The following PCSK9 variants were observed in gnomAD, a reference collection of about 807,000 sequenced individuals.
The protein encoded by PCSK9 is proprotein convertase subtilisin/kexin type 9.
PCSK9 carries 57 observed loss-of-function variants against 62.1 expected under a neutral mutation model. That is an observed-to-expected ratio of 0.92 (90% CI 0.74 to 1.14). The LOEUF (loss-of-function observed/expected upper bound fraction) is 1.14, where lower values mean the gene tolerates loss of function less well. Among genes scored for constraint, PCSK9 ranks in the 50% most tolerant of loss-of-function variants. The probability of loss-of-function intolerance (pLI) is 0.00; values close to 1 mark genes in which losing one functional copy is unlikely to be tolerated. For missense variants in PCSK9, 870 were observed against 959.8 expected (o/e 0.91, Z 1.24); for synonymous variants, 387 against 409.4 (o/e 0.95, Z 0.66).
At chr1:55,052,145 G>T in intron 3 of PCSK9, 133 bp from the exon 4 acceptor site, 1 of 1,231,328 alleles carries the variant, frequency 8.1e-7, no homozygotes, top group Non-Finnish European at 1.2e-6. Flanking sequence ...AGGATTTTTT[G>T]GAGGTTAAAC....
In PCSK9 at chr1:55,061,535, A is replaced by T; in HGVS notation, c.1842A>T (p.Gly614=). The T allele has an allele frequency of 6.2e-7, 1 of 1,600,680 alleles. No individual in the cohort carries two copies. The highest frequency in any genetic ancestry group is 8.5e-7 in the Non-Finnish European group (1 of 1,173,984). The change falls in exon 11 of 12, where the codon GGA becomes GGT. Residue 614 remains glycine (G), a synonymous_variant. Coordinates refer to ENST00000302118, the MANE Select transcript of PCSK9 (RefSeq NM_174936.4). Reference sequence around the variant, plus strand: ...TGGAATGCAAAGTCAAGGAGCATGGAATCCCGGCCCCTCAGGAGCAGGTGA... The same window carrying T: ...TGGAATGCAAAGTCAAGGAGCATGGTATCCCGGCCCCTCAGGAGCAGGTGA... ...PGLECKVKEH[G]IPAPQEQVTV...
At position 55,052,772 on chromosome 1, in the gene PCSK9, G is replaced by A. The variant is rs1397743766; in HGVS notation, c.780G>A (p.Thr260=). 8.1e-6 allele frequency: 13 copies of A among 1,613,022 alleles called. No individual in the cohort carries two copies. Among genetic ancestry groups the A allele is most frequent in the East Asian group, 2.2e-5 (1 of 44,890 alleles). The change falls in exon 5 of 12, where the codon ACG becomes ACA. Residue 260 remains threonine, a synonymous_variant. Transcript: ENST00000302118. ...LRVLNCQGKG[T]VSGTLIGLEF... is the part of the protein sequence containing the mutation. ...TGCTCAACTGCCAAGGGAAGGGCAC[G>A]GTTAGCGGCACCCTCATAGGTAAGT...
chr1:55,048,837 G>A (rs1334074226), intron 3 of PCSK9, among the ~76,000 whole-genome samples: 2 of 152,244 alleles, frequency 1.3e-5, no homozygotes, highest in Admixed American at 6.5e-5. Flanking sequence ...ATCAGTTATT[G>A]CTGTAGCATG....
intron 9 of PCSK9, 23 bp from the exon 10 acceptor site, chr1:55,059,463 C>T (rs1644742204): frequency 6.4e-7 from 1 of 1,554,634 alleles, no homozygotes; most frequent in African/African-American, 1.4e-5. Context: ...AAGCAGATTC[C>T]CATTTCCGTC....
intron 5 of PCSK9, among the ~76,000 whole-genome samples, 167 bp downstream of exon 5, chr1:55,052,958 C>T (rs1486652738): frequency 6.6e-6 from 1 of 152,140 alleles, no homozygotes; most frequent in Non-Finnish European, 1.5e-5. Flanking sequence ...TTCCCAGTGG[C>T]CACGAGTGCA....
chr1:55,058,160 A>G lies in PCSK9; in HGVS notation c.1305A>G (p.Val435=). 1 of 1,613,534 alleles carries G rather than the reference A, an allele frequency of 6.2e-7. No homozygotes were observed. Among genetic ancestry groups the G allele is most frequent in the Non-Finnish European group, 8.5e-7 (1 of 1,180,022 alleles). The part of the protein sequence containing the change: ...NEAWFPEDQR[V]LTPNLVAALP... ...CCTGGTTCCCTGAGGACCAGCGGGT[A>G]CTGACCCCCAACCTGGTGGCCGCCC... Residue 435 remains valine (V), a synonymous_variant, in exon 8 of 12, where the codon GTA becomes GTG. Coordinates refer to ENST00000302118, the MANE Select transcript of PCSK9 (RefSeq NM_174936.4).
intron 3 of PCSK9, 75 bp from the exon 4 acceptor site, chr1:55,052,203 G>T: frequency 6.3e-7 from 1 of 1,599,354 alleles, no homozygotes; most frequent in Non-Finnish European, 8.6e-7. Flanking sequence ...GATGTGCTCT[G>T]TAGTTTCTGT....
At position 55,040,071 on chromosome 1, in the gene PCSK9, G is replaced by A. The variant is rs28362203; in HGVS notation, c.207+27G>A. On this transcript the variant is annotated intron_variant, in intron 1 of 11. Transcript: ENST00000302118. The surrounding 1 kb of genome is among the most constrained non-coding windows in gnomAD (Gnocchi z 4.1). The stretch of plus-strand genomic sequence containing the variant: ...TGCGGGTGTAGGGATGGGAGGCCGG[G>A]GCGAACCCGCAGCCGGGACGGTGCG... The A allele has an allele frequency of 5.2e-6, 8 of 1,548,054 alleles. No homozygotes were observed. The highest frequency in any genetic ancestry group is 2.7e-5 in the African/African-American group (2 of 73,070).
At chr1:55,052,142 T>C in intron 3 of PCSK9, 136 bp from the exon 4 acceptor site, 1 of 1,219,820 alleles carries the variant, frequency 8.2e-7, no homozygotes, top group South Asian at 1.2e-5. Flanking sequence ...GTGAGGATTT[T>C]TTGGAGGTTA....
intron 9 of PCSK9, 84 bp from the exon 10 acceptor site, chr1:55,059,402 G>T: frequency 2.0e-6 from 3 of 1,497,130 alleles, no homozygotes; most frequent in Non-Finnish European, 2.7e-6. Context: ...TGATGAGGGT[G>T]CTTGAGTTGA....
intron 5 of PCSK9, among the ~76,000 whole-genome samples, chr1:55,055,303 G>A (rs558273096): frequency 5.2e-4 from 76 of 145,928 alleles, no homozygotes; most frequent in Non-Finnish European, 4.7e-4. Context: ...GGGCATCTGA[G>A]CCAGGCCTCA....
At position 55,040,106 on chromosome 1, in the gene PCSK9, C is replaced by T; in HGVS notation, c.207+62C>T. The T allele has an allele frequency of 6.6e-7, 1 of 1,522,864 alleles. No individual in the cohort carries two copies. The highest frequency in any genetic ancestry group is 1.4e-5 in the African/African-American group (1 of 72,538). 94.3% of individuals were successfully genotyped at this position (1,522,864 alleles called of 1,614,324 possible). A position where few individuals can be genotyped will look rare whatever the true frequency, so the allele number is the denominator to read the frequency against. On this transcript the variant is annotated intron_variant, in intron 1 of 11. Coordinates refer to ENST00000302118, the MANE Select transcript of PCSK9 (RefSeq NM_174936.4). This position sits in a 1 kb window ranked among gnomAD's most constrained non-coding sequence, Gnocchi z 4.1. ...CAGCCGGGACGGTGCGGTGCTGTTT[C>T]CTCTCGGGCCTCAGTTTCCCCCCAT...
At chr1:55,042,433 G>T (rs887285852) in intron 1 of PCSK9, among the ~76,000 whole-genome samples, 66 of 152,328 alleles carry the variant, frequency 4.3e-4, no homozygotes, top group African/African-American at 1.6e-3. Context: ...ACAGTATGCA[G>T]CTCCAGATTC....
At chr1:55,042,461 T>C (rs1557498761) in intron 1 of PCSK9, among the ~76,000 whole-genome samples, 1 of 152,216 alleles carries the variant, frequency 6.6e-6, no homozygotes, top group Non-Finnish European at 1.5e-5. Context: ...CAGACTCTGA[T>C]TGCCCATTAC....
At position 55,063,772 on chromosome 1, in the gene PCSK9, C is replaced by A; in HGVS notation, c.*188C>A. The A allele has an allele frequency of 1.5e-6, 1 of 674,772 alleles. No homozygotes were observed. The highest frequency in any genetic ancestry group is 2.5e-6 in the Non-Finnish European group (1 of 406,946). The allele number at this position is 674,772 out of a possible 1,614,324, so 41.8% of individuals were successfully genotyped here. A position where few individuals can be genotyped will look rare whatever the true frequency, so the allele number is the denominator to read the frequency against. On this transcript the variant is annotated 3_prime_UTR_variant, in exon 12 of 12. Transcript: ENST00000302118. ...CCTCCTTGCCTGGAACTCACTCACT[C>A]TGGGTGCCTCCTCCCCAGGTGGAGG... is the stretch of plus-strand genomic sequence containing the variant.
chr1:55,059,702 C>G, intron 10 of PCSK9, 39 bp downstream of exon 10: 3 of 1,545,052 alleles, frequency 1.9e-6, no homozygotes, highest in South Asian at 1.2e-5. Context: ...GGAGGGGTCT[C>G]TTTCTCCTTA....
rs779246166 is a variant in PCSK9, at chr1:55,057,338, C to T, written c.1004C>T (p.Thr335Ile). The T allele has an allele frequency of 3.1e-6, 5 of 1,613,874 alleles. No individual in the cohort carries two copies. Among genetic ancestry groups the T allele is most frequent in the Non-Finnish European group, 4.2e-6 (5 of 1,179,882 alleles). Residue 335 changes from threonine to isoleucine, a missense_variant, in exon 7 of 12, where the codon ACA becomes ATA. Transcript: ENST00000302118. ...ACCTCCTCACCTTTCCAGGTCATCA[C>T]AGTTGGGGCCACCAATGCCCAAGAC... Reference protein sequence around the residue: ...YSPASAPEVITVGATNAQDQP... With the variant: ...YSPASAPEVIIVGATNAQDQP...
chr1:55,045,413 G>A (rs1374964578), intron 2 of PCSK9, among the ~76,000 whole-genome samples: 1 of 152,148 alleles, frequency 6.6e-6, no homozygotes, highest in Non-Finnish European at 1.5e-5. Context: ...TTCATTTAAG[G>A]ACTAAATGAG....
chr1:55,055,386 C>G (rs1266952084), intron 5 of PCSK9, among the ~76,000 whole-genome samples: 1 of 151,920 alleles, frequency 6.6e-6, no homozygotes, highest in Non-Finnish European at 1.5e-5. Context: ...CTTGGTGCCT[C>G]TCTTTCATGG....
Sources: allele counts gnomAD v4.1 joint callset (sites outside exome capture counted in the v4.1 genomes callset), GRCh38; gene constraint gnomAD v4.1.1; non-coding constraint Gnocchi (gnomAD v3.1); transcripts MANE v1.5; gene names NCBI Gene and HGNC (gene_info 2026-07-23, HGNC 2026-07-21).